PCDH11X: variants seen among roughly 807,000 people sequenced by gnomAD.
PCDH11X encodes the protein protocadherin-11 X-linked.
In PCDH11X, 18 loss-of-function variants were observed where a neutral mutation model predicts 53.3. That is an observed-to-expected ratio of 0.34 (90% CI 0.23 to 0.50). PCDH11X has a LOEUF of 0.50. Ranked by LOEUF, PCDH11X falls within the 20% of genes least tolerant of loss-of-function variation. PCDH11X has a pLI of 0.98. For missense variants in PCDH11X, 570 were observed against 1,032.4 expected (o/e 0.55, Z 6.14); for synonymous variants, 279 against 393.3 (o/e 0.71, Z 3.44).
At chrX:92,037,642 A>G (rs1367391721) in intron 6 of PCDH11X, among the ~76,000 whole-genome samples, 2 of 110,643 alleles carry the variant, frequency 1.8e-5, no homozygotes, top group South Asian at 7.7e-4. Flanking sequence ...CAATTGTTGA[A>G]CTAATTTACA....
At chrX:92,359,585 A>G (rs1180520284) in intron 8 of PCDH11X, among the ~76,000 whole-genome samples, 1 of 111,464 alleles carries the variant, frequency 9.0e-6, no homozygotes, top group East Asian at 2.8e-4. Context: ...TTATTTTGTG[A>G]CACAATAGAT....
At chrX:91,816,098 AGC>A (rs1936441633) in intron 4 of PCDH11X, among the ~76,000 whole-genome samples, 1 of 111,034 alleles carries the variant, frequency 9.0e-6, no homozygotes, top group African/African-American at 3.3e-5. Flanking sequence ...ACTGCACTCC[AGC>A]CTGGGTAATA....
chrX:92,016,296 A>G (rs1341292380), intron 6 of PCDH11X, among the ~76,000 whole-genome samples: 1 of 108,926 alleles, frequency 9.2e-6, no homozygotes, highest in East Asian at 2.9e-4. Flanking sequence ...GCTTCAATTT[A>G]AAGTCACCAG....
intron 6 of PCDH11X, among the ~76,000 whole-genome samples, chrX:91,913,199 T>A (rs1169943451): frequency 9.0e-6 from 1 of 110,991 alleles, no homozygotes; most frequent in Admixed American, 9.6e-5. Flanking sequence ...ACACATTTTA[T>A]TGAGTCCAGT....
chrX:92,249,404 A>G (rs947728487), intron 7 of PCDH11X, among the ~76,000 whole-genome samples: 18 of 112,188 alleles, frequency 1.6e-4, no homozygotes, highest in Non-Finnish European at 3.0e-4. Flanking sequence ...AGCCATTTGC[A>G]TAGATCTTTA....
chrX:91,880,403 A>G (rs903201652), intron 6 of PCDH11X, among the ~76,000 whole-genome samples: 2 of 111,208 alleles, frequency 1.8e-5, no homozygotes, highest in African/African-American at 6.5e-5. Context: ...TGAAAATCAA[A>G]ACTGATTTTC....
chrX:92,105,442 C>G (rs1352241254), intron 6 of PCDH11X, among the ~76,000 whole-genome samples: 2 of 109,999 alleles, frequency 1.8e-5, no homozygotes, highest in Non-Finnish European at 3.8e-5. Flanking sequence ...AAATTTCATG[C>G]GCGTCCGTGT....
rs112962850 is a variant in PCDH11X, at chrX:92,214,932, C to T, written c.3114+13477C>T. Among the ~76,000 whole-genome samples, 292 of 111,489 alleles carry T rather than the reference C, an allele frequency of 2.6e-3. 3 individuals are homozygous for T. Among genetic ancestry groups the T allele is most frequent in the African/African-American group, 8.9e-3 (273 of 30,699 alleles). ...GTGTGCTAACACATGCCTGTAGTCCCAGCTACTTGGGAGGCTGAGATGGGA... is the reference window on the plus strand; with the variant it reads ...GTGTGCTAACACATGCCTGTAGTCCTAGCTACTTGGGAGGCTGAGATGGGA... On this transcript the variant is annotated intron_variant, in intron 7 of 10. Coordinates refer to ENST00000682573, the MANE Select transcript of PCDH11X (RefSeq NM_032968.5).
At chrX:92,084,918 T>C (rs951469738) in intron 6 of PCDH11X, among the ~76,000 whole-genome samples, 1 of 110,730 alleles carries the variant, frequency 9.0e-6, no homozygotes, top group Non-Finnish European at 1.9e-5. Context: ...TTTATTGATA[T>C]AAGAGAAATA....
intron 5 of PCDH11X, among the ~76,000 whole-genome samples, chrX:91,852,316 A>C (rs1333910991): frequency 1.8e-5 from 2 of 109,980 alleles, no homozygotes; most frequent in Non-Finnish European, 3.8e-5. Context: ...TGCCCAGCCC[A>C]AAATTAGGTA....
chrX:92,475,164 CAAAAAAAA>C (rs761171281), intron 10 of PCDH11X, among the ~76,000 whole-genome samples: 10 of 30,539 alleles, frequency 3.3e-4, no homozygotes, highest in African/African-American at 4.9e-4. Flanking sequence ...GACTCCGTCT[CAAAAAAAA>C]AAAAAAAAAA....
chrX:92,164,727 T>C (rs1162650070), intron 6 of PCDH11X, among the ~76,000 whole-genome samples: 1 of 108,985 alleles, frequency 9.2e-6, no homozygotes, highest in Admixed American at 9.9e-5. Flanking sequence ...GCTGTGTCCA[T>C]ACCCAAATCT....
intron 6 of PCDH11X, among the ~76,000 whole-genome samples, chrX:91,903,702 A>G (rs1055155674): frequency 2.8e-5 from 3 of 106,844 alleles, no homozygotes; most frequent in Non-Finnish European, 3.9e-5. Flanking sequence ...TGTATAAAAT[A>G]TTTGAGTAGA....
At chrX:91,989,467 G>T (rs1215945781) in intron 6 of PCDH11X, among the ~76,000 whole-genome samples, 4 of 110,563 alleles carry the variant, frequency 3.6e-5, no homozygotes, top group Non-Finnish European at 5.7e-5. Context: ...GGAGGCTGAG[G>T]CAGGAGAATG....
chrX:92,062,310 T>G (rs1377956127), intron 6 of PCDH11X, among the ~76,000 whole-genome samples: 1 of 111,441 alleles, frequency 9.0e-6, no homozygotes, highest in Non-Finnish European at 1.9e-5. Context: ...GCCTTTTATC[T>G]TTTATTTATT....
At chrX:92,484,321 A>G (rs1422880780) in intron 10 of PCDH11X, among the ~76,000 whole-genome samples, 3 of 102,976 alleles carry the variant, frequency 2.9e-5, no homozygotes, top group Non-Finnish European at 5.9e-5. Flanking sequence ...ACATATATAT[A>G]TATGCTAGAT....
intron 10 of PCDH11X, among the ~76,000 whole-genome samples, chrX:92,544,216 A>G (rs1432611571): frequency 1.8e-5 from 2 of 111,700 alleles, no homozygotes; most frequent in African/African-American, 6.5e-5. Context: ...ATTTGCCCAT[A>G]TACTGGCTAA....
At chrX:92,487,245 GT>G (rs201580161) in intron 10 of PCDH11X, among the ~76,000 whole-genome samples, 12,713 of 105,255 alleles carry the variant, frequency 0.12, 898 homozygotes, top group East Asian at 0.41. Flanking sequence ...TAGGATGGGG[GT>G]TTCACCATGT....
intron 6 of PCDH11X, among the ~76,000 whole-genome samples, chrX:91,968,592 G>T (rs1181461122): frequency 2.7e-5 from 3 of 110,841 alleles, no homozygotes; most frequent in Non-Finnish European, 3.8e-5. Context: ...TTTTTCTGAG[G>T]CTAATAAGAC....
Sources: allele counts gnomAD v4.1 joint callset (sites outside exome capture counted in the v4.1 genomes callset), GRCh38; gene constraint gnomAD v4.1.1; transcripts MANE v1.5; gene names NCBI Gene and HGNC (gene_info 2026-07-23, HGNC 2026-07-21).